The following FRMD3 variants were observed in gnomAD, a reference collection of about 807,000 sequenced individuals.
The protein encoded by FRMD3 is FERM domain containing 3.
A neutral mutation model predicts 70.2 loss-of-function variants in FRMD3; 33 were observed. The observed-to-expected ratio is 0.47, with a 90% CI of 0.36 to 0.63. The LOEUF is 0.63. Among genes scored for constraint, FRMD3 ranks in the 20% least tolerant of loss-of-function variants. FRMD3 has a pLI of 0.00. For missense variants in FRMD3, 632 were observed against 711.4 expected, an observed-to-expected ratio of 0.89 and a Z score of 1.27; for synonymous variants, 279 against 255.9, an observed-to-expected ratio of 1.09 and a Z score of -0.86.
At chr9:83,406,210 C>T (rs1432772239) in intron 1 of FRMD3, among the ~76,000 whole-genome samples, 3 of 152,102 alleles carry the variant, frequency 2.0e-5, no homozygotes, top group African/African-American at 7.2e-5. Context: ...ACCAATCTTC[C>T]CTGCTTTCCC....
At chr9:83,298,527 G>A (rs1001372321) in intron 12 of FRMD3, among the ~76,000 whole-genome samples, 1 of 152,202 alleles carries the variant, frequency 6.6e-6, no homozygotes, top group Admixed American at 6.5e-5. Flanking sequence ...TTAAGGTGAC[G>A]CTCCAGACCT....
intron 1 of FRMD3, among the ~76,000 whole-genome samples, chr9:83,441,805 A>G (rs1827304046): frequency 6.6e-6 from 1 of 152,148 alleles, no homozygotes; most frequent in Admixed American, 6.6e-5. Flanking sequence ...ACAGAAAGGG[A>G]GGTATGTTTT....
intron 13 of FRMD3, among the ~76,000 whole-genome samples, chr9:83,266,500 A>G (rs1034662578): frequency 6.6e-6 from 1 of 152,224 alleles, no homozygotes; most frequent in African/African-American, 2.4e-5. Context: ...AAATATATTT[A>G]CAATGAAAAG....
Position 83,253,515 on chromosome 9 carries a change from TGCTCATCGTCAC to T in FRMD3, c.1196-5011_1196-5000del, listed in dbSNP as rs1167117892. On this transcript the variant is annotated intron_variant, in intron 13 of 13. Transcript: ENST00000304195. ...TGCAGCCAACAGACACATGAAAAAATGCTCATCGTCACTGGCCATCAGAGAAATGCAAATCAA... is the reference window on the plus strand; with the variant it reads ...TGCAGCCAACAGACACATGAAAAAATTGGCCATCAGAGAAATGCAAATCAA... Among the ~76,000 whole-genome samples, 9 of 152,178 alleles carry T rather than the reference TGCTCATCGTCAC, an allele frequency of 5.9e-5. No individual in the cohort carries two copies. The South Asian group carries it at 1.0e-3, about 18-fold the overall frequency.
chr9:83,411,136 A>G (rs758871159), intron 1 of FRMD3, among the ~76,000 whole-genome samples: 6 of 152,220 alleles, frequency 3.9e-5, no homozygotes, highest in Non-Finnish European at 7.3e-5. Context: ...CGTATTAAAC[A>G]GACCATTTCC....
chr9:83,513,853 C>A (rs1829393065), intron 1 of FRMD3, among the ~76,000 whole-genome samples: 1 of 152,134 alleles, frequency 6.6e-6, no homozygotes, highest in Admixed American at 6.5e-5. Flanking sequence ...CCCAGAAAAC[C>A]CAAGGGGTTG....
At position 83,245,044 on chromosome 9, in the gene FRMD3, C is replaced by G. The variant is rs934180807; in HGVS notation, c.*2874G>C. 3.0e-6 allele frequency: 3 copies of G among 985,174 alleles called. No homozygotes were observed. In the African/African-American group the frequency reaches 5.2e-5, roughly 17 times the overall value. The allele number at this position is 985,174 out of a possible 1,614,324, so 61.0% of individuals were successfully genotyped here. On this transcript the variant is annotated 3_prime_UTR_variant, in exon 14 of 14. Transcript: ENST00000304195. ...AGTGGCATTTATGGAAAATTTAACC[C>G]TTTCAGGCTGTGGGTTTTACCCACC...
At chr9:83,503,504 T>G (rs1587486942) in intron 1 of FRMD3, among the ~76,000 whole-genome samples, 1 of 152,164 alleles carries the variant, frequency 6.6e-6, no homozygotes, top group Non-Finnish European at 1.5e-5. Flanking sequence ...AGATTCTGCC[T>G]CCCAGCTTTC....
the FRMD3 span, among the ~76,000 whole-genome samples, chr9:83,563,313 T>C: frequency 1.3e-5 from 2 of 152,096 alleles, no homozygotes; most frequent in Non-Finnish European, 2.9e-5. Context: ...GTGTCCTGGG[T>C]GAGTGCAGAG....
intron 13 of FRMD3, among the ~76,000 whole-genome samples, chr9:83,277,020 A>C (rs542357927): frequency 1.3e-5 from 2 of 152,252 alleles, no homozygotes; most frequent in Non-Finnish European, 2.9e-5. Flanking sequence ...ATTTTTTAAA[A>C]GTGTTATATC....
chr9:83,400,804 C>T (rs1468318952), intron 1 of FRMD3, among the ~76,000 whole-genome samples: 1 of 152,224 alleles, frequency 6.6e-6, no homozygotes, highest in Admixed American at 6.5e-5. Context: ...ATCCTGACCA[C>T]AGTAGCTGAG....
chr9:83,389,500 C>A (rs72745024), intron 2 of FRMD3, 104 bp downstream of exon 2: 76,355 of 746,938 alleles, frequency 0.1, 4,332 homozygotes, highest in Non-Finnish European at 0.12. Context: ...GCCCAATAAT[C>A]TATGAGAACA....
intron 5 of FRMD3, among the ~76,000 whole-genome samples, chr9:83,339,250 T>G (rs1823678133): frequency 6.6e-6 from 1 of 152,194 alleles, no homozygotes; most frequent in South Asian, 2.1e-4. Flanking sequence ...CTGCTCTGAT[T>G]CCCTAAAGCT....
intron 1 of FRMD3, among the ~76,000 whole-genome samples, chr9:83,410,589 G>C (rs1236993593): frequency 2.0e-5 from 3 of 152,180 alleles, no homozygotes; most frequent in African/African-American, 7.2e-5. Context: ...GCTATTGTGA[G>C]AATAGTGCTG....
chr9:83,419,916 A>G (rs953251751), intron 1 of FRMD3, among the ~76,000 whole-genome samples: 48 of 152,218 alleles, frequency 3.2e-4, no homozygotes, highest in Admixed American at 2.9e-3. Context: ...TCTCTTTCAG[A>G]GATGTGGGAG....
chr9:83,289,589 A>G (rs879695365), intron 13 of FRMD3, among the ~76,000 whole-genome samples: 4 of 152,204 alleles, frequency 2.6e-5, no homozygotes, highest in Admixed American at 2.6e-4. Flanking sequence ...ATTATAGACT[A>G]AGAAGTTTTC....
At chr9:83,518,794 A>G (rs1829508086) in intron 1 of FRMD3, among the ~76,000 whole-genome samples, 1 of 152,192 alleles carries the variant, frequency 6.6e-6, no homozygotes, top group Non-Finnish European at 1.5e-5. Flanking sequence ...CAAAACAGAC[A>G]TATAGACCAA....
chr9:83,364,373 A>G (rs1243113628), intron 3 of FRMD3, among the ~76,000 whole-genome samples: 1 of 152,216 alleles, frequency 6.6e-6, no homozygotes, highest in Non-Finnish European at 1.5e-5. Context: ...CCTGGCCTAC[A>G]TGGCAAAACC....
intron 2 of FRMD3, among the ~76,000 whole-genome samples, chr9:83,378,588 A>G (rs1479258152): frequency 1.5e-5 from 2 of 130,594 alleles, no homozygotes; most frequent in African/African-American, 5.8e-5. Context: ...AAATTTATAT[A>G]TACAATATAC....
Sources: allele counts gnomAD v4.1 joint callset (sites outside exome capture counted in the v4.1 genomes callset), GRCh38; gene constraint gnomAD v4.1.1; transcripts MANE v1.5; gene names NCBI Gene and HGNC (gene_info 2026-07-23, HGNC 2026-07-21).